The following RITA1 variants were observed in gnomAD, a reference collection of about 807,000 sequenced individuals.
RITA1 encodes the protein RBPJ-interacting and tubulin-associated protein 1.
RITA1 carries 15 observed loss-of-function variants against 8.7 expected under a neutral mutation model. The observed-to-expected ratio is 1.72, with a 90% CI of 1.15 to 2.65. The LOEUF is 2.65. RITA1 is among the 30% of genes most tolerant of loss of function. RITA1 has a pLI of 0.00. For missense variants in RITA1, 330 were observed against 363.8 expected (o/e 0.91, Z 0.76); for synonymous variants, 145 against 156.2 (o/e 0.93, Z 0.53).
chr12:113,191,388 G>T lies in RITA1; in HGVS notation c.381G>T (p.Pro127=), dbSNP rs757092521. ...SRSEGASFGA[P]RMAKGDAAKL... is the part of the protein sequence containing the mutation. ...CTGAAGGCGCCAGCTTCGGGGCCCC[G>T]CGGATGGCGAAGGGGGATGCCGCAA... The change falls in exon 4 of 4, where the codon CCG becomes CCT. Residue 127 remains proline, a synonymous_variant. Transcript: ENST00000548278. This position sits in a 1 kb window ranked among gnomAD's most constrained non-coding sequence, Gnocchi z 4.0. 7.5e-6 allele frequency: 12 copies of T among 1,603,304 alleles called. No homozygotes were observed. Among genetic ancestry groups the T allele is most frequent in the Non-Finnish European group, 7.7e-6 (9 of 1,173,212 alleles).
chr12:113,186,893 A>C lies in RITA1; in HGVS notation c.147A>C (p.Pro49=), dbSNP rs1490260653. The C allele has an allele frequency of 6.2e-7, 1 of 1,614,118 alleles. No individual in the cohort carries two copies. The highest frequency in any genetic ancestry group is 1.7e-5 in the Admixed American group (1 of 60,020). ...GCCCAGCAGGCACCCGGCCTACCCC[A>C]CCGGACTTCGATCCGCCCTGGGTGG... The part of the protein sequence containing the change: ...FGSPAGTRPT[P]PDFDPPWVEK... The change falls in exon 3 of 4, where the codon CCA becomes CCC. Residue 49 remains proline, a synonymous_variant. Transcript: ENST00000548278.
intron 3 of RITA1, among the ~76,000 whole-genome samples, chr12:113,188,142 G>A (rs1184078978): frequency 6.6e-6 from 1 of 151,146 alleles, no homozygotes. Flanking sequence ...TCCACCTCCC[G>A]GGTTCAAGCG....
In RITA1 at chr12:113,186,954, G is replaced by T; in HGVS notation, c.208G>T (p.Ala70Ser). 6.2e-7 allele frequency: 1 copy of T among 1,613,988 alleles called. No homozygotes were observed. The highest frequency in any genetic ancestry group is 1.1e-5 in the South Asian group (1 of 91,036). ...ANRTRGVGKE[A>S]SKALGAKGSC... ...CAGAACCAGAGGCGTGGGCAAGGAG[G>T]CATCGAAGGCCTTGGGGGCAAAGGG... Residue 70 changes from alanine (A) to serine (S), a missense_variant, in exon 3 of 4, where the codon GCA becomes TCA. By Grantham distance (99) the Ala-to-Ser change is moderately conservative. Transcript: ENST00000548278.
chr12:113,187,040 C>T lies in RITA1; in HGVS notation c.294C>T (p.Asn98=). The T allele has an allele frequency of 6.3e-7, 1 of 1,586,642 alleles. No individual in the cohort carries two copies. The highest frequency in any genetic ancestry group is 2.3e-5 in the East Asian group (1 of 43,756). ...STPTLTPRKK[N]KYRPISHTPS... Reference sequence around the variant, plus strand: ...CCACCCTCACACCAAGGAAGAAGAACAAATACAGGTAATGGGGTAGGGAGA... The same window carrying T: ...CCACCCTCACACCAAGGAAGAAGAATAAATACAGGTAATGGGGTAGGGAGA... Residue 98 remains asparagine (N), a synonymous_variant, in exon 3 of 4, where the codon AAC becomes AAT. Coordinates refer to ENST00000548278, the MANE Select transcript of RITA1 (RefSeq NM_032848.3).
In RITA1 at chr12:113,185,882, G is replaced by A. The variant is rs1952530026; in HGVS notation, c.-336G>A. 2.2e-6 allele frequency: 3 copies of A among 1,350,200 alleles called. No homozygotes were observed. The highest frequency in any genetic ancestry group is 2.0e-6 in the Non-Finnish European group (2 of 998,346). The allele number at this position is 1,350,200 out of a possible 1,614,324, so 83.6% of individuals were successfully genotyped here. A position where few individuals can be genotyped will look rare whatever the true frequency, so the allele number is the denominator to read the frequency against. ...GGCTGCCGGGGGTCCGGGGCCCCAG[G>A]CATTCCGGGCTGCAGATTGACGGGG... On this transcript the variant is annotated 5_prime_UTR_variant, in exon 1 of 4. Coordinates refer to ENST00000548278, the MANE Select transcript of RITA1 (RefSeq NM_032848.3).
rs1276336255 is a variant in RITA1 at position 113,191,280 on chromosome 12, A to G, written c.303-30A>G. ...AGTTTTGAGGGGTTGTTCATCCCCC[A>G]GCTCATGGCGTTTATCTTCCATTTG... On this transcript the variant is annotated intron_variant, in intron 3 of 3. Coordinates refer to ENST00000548278, the MANE Select transcript of RITA1 (RefSeq NM_032848.3). The surrounding 1 kb of genome is among the most constrained non-coding windows in gnomAD (Gnocchi z 4.0). 6 of 1,499,028 alleles carry G rather than the reference A, an allele frequency of 4.0e-6. No homozygotes were observed. In the African/African-American group the frequency reaches 8.4e-5, roughly 21 times the overall value. 92.9% of individuals were successfully genotyped at this position (1,499,028 alleles called of 1,614,324 possible).
intron 2 of RITA1, 83 bp downstream of exon 2, chr12:113,186,399 T>C (rs916331343): frequency 1.2e-5 from 17 of 1,361,966 alleles, no homozygotes; most frequent in African/African-American, 2.9e-5. Context: ...CCTACCACCA[T>C]AGTGTGTTTT....
At chr12:113,186,655 G>T (rs1458641710) in intron 2 of RITA1, 28 bp from the exon 3 acceptor site, 1 of 1,537,570 alleles carries the variant, frequency 6.5e-7, no homozygotes, top group African/African-American at 1.4e-5. Context: ...CTGTGGCTCA[G>T]GGGTGCTACT....
chr12:113,187,302 G>T (rs373640652), intron 3 of RITA1: 6 of 423,706 alleles, frequency 1.4e-5, no homozygotes, highest in Admixed American at 4.1e-5. Flanking sequence ...AGTGTTGATG[G>T]TTGTGATGGT....
Position 113,185,980 on chromosome 12 carries a change from G to C in RITA1, c.-238G>C, listed in dbSNP as rs2136332218. ...CCTGGTGGGAAGAAGGTGCGGGGAC[G>C]GGTCCCTGAGGATCCCGATGCCTAC... On this transcript the variant is annotated 5_prime_UTR_variant, in exon 1 of 4. Transcript: ENST00000548278. The C allele has an allele frequency of 1.3e-6, 2 of 1,535,676 alleles. No individual in the cohort carries two copies. Among genetic ancestry groups the C allele is most frequent in the Non-Finnish European group, 1.7e-6 (2 of 1,146,582 alleles).
At chr12:113,188,035 G>C (rs1440892429) in intron 3 of RITA1, among the ~76,000 whole-genome samples, 1 of 152,008 alleles carries the variant, frequency 6.6e-6, no homozygotes, top group Non-Finnish European at 1.5e-5. Flanking sequence ...CACAGACTGG[G>C]TGGCTTAAAC....
intron 3 of RITA1, among the ~76,000 whole-genome samples, chr12:113,188,982 G>C (rs779879795): frequency 8.6e-5 from 13 of 151,070 alleles, no homozygotes; most frequent in Non-Finnish European, 1.3e-4. Context: ...GCTAATTTTT[G>C]TATTTTTAGT....
Position 113,192,039 on chromosome 12 carries a change from G to A in RITA1, c.*222G>A. 2 of 597,702 alleles carry A rather than the reference G, an allele frequency of 3.3e-6. No homozygotes were observed. Among genetic ancestry groups the A allele is most frequent in the Non-Finnish European group, 5.7e-6 (2 of 353,236 alleles). The allele number at this position is 597,702 out of a possible 1,614,324, so 37.0% of individuals were successfully genotyped here. ...CGGATTTGGGGGCCACCTCTAAGATGCCTCTCTCCAGCCCTGTCTCAACCA... is the reference window on the plus strand; with the variant it reads ...CGGATTTGGGGGCCACCTCTAAGATACCTCTCTCCAGCCCTGTCTCAACCA... On this transcript the variant is annotated 3_prime_UTR_variant, in exon 4 of 4. Coordinates refer to ENST00000548278, the MANE Select transcript of RITA1 (RefSeq NM_032848.3).
In RITA1 at chr12:113,186,277, G is replaced by A. The variant is rs1204995861; in HGVS notation, c.-104G>A. 1 of 1,398,910 alleles carries A rather than the reference G, an allele frequency of 7.1e-7. No individual in the cohort carries two copies. The allele number at this position is 1,398,910 out of a possible 1,614,324, so 86.7% of individuals were successfully genotyped here. On this transcript the variant is annotated 5_prime_UTR_variant, in exon 2 of 4. Transcript: ENST00000548278. The stretch of plus-strand genomic sequence containing the variant: ...AAGCTACTTCACAGTGCTGTTGAGA[G>A]GATTAAATGAAACAATGCTTGTAAA...
chr12:113,191,615 C>T lies in RITA1; in HGVS notation c.608C>T (p.Thr203Ile). Reference protein sequence around the residue: ...PLKRGLSHSLTHLNVPSTGHP... With the variant: ...PLKRGLSHSLIHLNVPSTGHP... ...AAGCGGGGACTTTCCCATTCCCTCA[C>T]CCACCTGAATGTCCCCAGCACTGGT... Residue 203 changes from threonine (T) to isoleucine (I), a missense_variant, in exon 4 of 4, where the codon ACC becomes ATC. Coordinates refer to ENST00000548278, the MANE Select transcript of RITA1 (RefSeq NM_032848.3). This position sits in a 1 kb window ranked among gnomAD's most constrained non-coding sequence, Gnocchi z 4.0. 1.2e-6 allele frequency: 2 copies of T among 1,614,134 alleles called. No individual in the cohort carries two copies. The highest frequency in any genetic ancestry group is 8.5e-7 in the Non-Finnish European group (1 of 1,180,018).
Position 113,191,175 on chromosome 12 carries a change from CTG to C in RITA1, c.303-134_303-133del. The C allele has an allele frequency of 8.5e-7, 1 of 1,179,640 alleles. No homozygotes were observed. Among genetic ancestry groups the C allele is most frequent in the Non-Finnish European group, 1.1e-6 (1 of 872,074 alleles). 73.1% of individuals were successfully genotyped at this position (1,179,640 alleles called of 1,614,324 possible). ...CTGTGGCCTCGCTGTAGGTTTCAGA[CTG>C]GGAGACAAGGACTCCTGGGATCTGC... On this transcript the variant is annotated intron_variant, in intron 3 of 3. Coordinates refer to ENST00000548278, the MANE Select transcript of RITA1 (RefSeq NM_032848.3). The surrounding 1 kb of genome is among the most constrained non-coding windows in gnomAD (Gnocchi z 4.0).
At chr12:113,187,440 A>C (rs1324125853) in intron 3 of RITA1, 1 of 170,704 alleles carries the variant, frequency 5.9e-6, no homozygotes, top group Non-Finnish European at 1.2e-5. Flanking sequence ...GAAATGACAT[A>C]GATGTGGTGT....
rs1300903592 is a variant in RITA1, at chr12:113,191,518, A to C, written c.511A>C (p.Lys171Gln). The C allele has an allele frequency of 1.2e-5, 19 of 1,612,068 alleles. No individual in the cohort carries two copies. The highest frequency in any genetic ancestry group is 1.6e-5 in the Non-Finnish European group (19 of 1,178,638). The change falls in exon 4 of 4, where the codon AAG becomes CAG. Residue 171 changes from lysine to glutamine, a missense_variant. Transcript: ENST00000548278. The surrounding 1 kb of genome is among the most constrained non-coding windows in gnomAD (Gnocchi z 4.0). ...AGCCATTCACCCAGCTGGTCCCTCC[A>C]AGACAGAGCCGGGGCCAGCGGCAGA... ...LRAIHPAGPS[K>Q]TEPGPAADSQ...
rs753771627 is a variant in RITA1 at position 113,186,669 on chromosome 12, A to C, written c.-64-14A>C. On this transcript the variant is annotated splice_polypyrimidine_tract_variant and intron_variant, in intron 2 of 3. Transcript: ENST00000548278. ...TCTGTGGCTCAGGGGTGCTACTCTG[A>C]CCTCCTCTCACAGGGAGCCTCGGAA... The C allele has an allele frequency of 1.9e-6, 3 of 1,571,002 alleles. No individual in the cohort carries two copies. The highest frequency in any genetic ancestry group is 3.5e-5 in the Admixed American group (2 of 56,630).
Sources: gnomAD v4.1 joint callset for allele counts (sites outside exome capture counted in the v4.1 genomes callset) on GRCh38, gnomAD v4.1.1 for gene constraint, Gnocchi (gnomAD v3.1) non-coding constraint, MANE v1.5 for transcripts, NCBI Gene and HGNC (gene_info 2026-07-23, HGNC 2026-07-21) for gene names.